The following PSD3 variants were observed in gnomAD, a reference collection of about 807,000 sequenced individuals.
PSD3 encodes the protein PH and SEC7 domain-containing protein 3.
Under a neutral mutation model 105.5 loss-of-function variants are expected in PSD3, and 49 were observed. The observed-to-expected ratio is 0.46, with a 90% CI of 0.37 to 0.59. The LOEUF (loss-of-function observed/expected upper bound fraction) is 0.59. Among genes scored for constraint, PSD3 ranks in the 20% least tolerant of loss-of-function variants. The pLI is 0.00. For synonymous variants in PSD3, 557 were observed against 457.8 expected, an observed-to-expected ratio of 1.22 and a Z score of -2.77; for missense variants, 1,561 against 1,263.8, an observed-to-expected ratio of 1.24 and a Z score of -3.57.
chr8:18,651,643 A>G (rs1056952694), intron 10 of PSD3, among the ~76,000 whole-genome samples: 3 of 152,222 alleles, frequency 2.0e-5, no homozygotes, highest in Admixed American at 6.5e-5. Flanking sequence ...ACAAATAACC[A>G]TAATGGGGTG....
At chr8:18,756,814 T>C (rs974922611) in intron 9 of PSD3, among the ~76,000 whole-genome samples, 1 of 148,584 alleles carries the variant, frequency 6.7e-6, no homozygotes, top group African/African-American at 2.5e-5. Flanking sequence ...ATTTTACAAA[T>C]GAGGAAACTC....
At chr8:18,752,498 TATA>T (rs1159371096) in intron 9 of PSD3, among the ~76,000 whole-genome samples, 12 of 16,918 alleles carry the variant, frequency 7.1e-4, no homozygotes, top group South Asian at 1.8e-3. Context: ...ATATAATATA[TATA>T]ATATATATAA....
At chr8:18,920,529 A>T (rs1391999565) in intron 2 of PSD3, among the ~76,000 whole-genome samples, 1 of 152,168 alleles carries the variant, frequency 6.6e-6, no homozygotes, top group African/African-American at 2.4e-5. Context: ...ACTTTTAGTA[A>T]ATTTGCAAAC....
At chr8:18,819,605 G>A (rs1431878994) in intron 4 of PSD3, among the ~76,000 whole-genome samples, 1 of 107,984 alleles carries the variant, frequency 9.3e-6, no homozygotes. Flanking sequence ...TTGAGATGGA[G>A]TCTCACTCTG....
chr8:18,751,665 G>A lies in PSD3; in HGVS notation c.2172+13784C>T, dbSNP rs1805500213. Reference sequence around the variant, plus strand: ...CAGAACAACTAGTGCATTCCACACGGGCACACTGCTAGCCACTTAACACAC... The same window carrying A: ...CAGAACAACTAGTGCATTCCACACGAGCACACTGCTAGCCACTTAACACAC... On this transcript the variant is annotated intron_variant, in intron 9 of 15. Transcript: ENST00000327040. 2.7e-5 allele frequency among the ~76,000 whole-genome samples: 4 copies of A among 149,804 alleles called. 1 individual carries two copies. Among genetic ancestry groups the A allele is most frequent in the Admixed American group, 1.3e-4 (2 of 15,044 alleles).
At chr8:18,692,535 A>G (rs1801027692) in intron 9 of PSD3, among the ~76,000 whole-genome samples, 1 of 152,160 alleles carries the variant, frequency 6.6e-6, no homozygotes, top group Non-Finnish European at 1.5e-5. Flanking sequence ...AGCAGGAGCA[A>G]CCAGAAGAAA....
At chr8:19,020,445 C>T (rs771318577) in intron 1 of PSD3, among the ~76,000 whole-genome samples, 1 of 151,996 alleles carries the variant, frequency 6.6e-6, no homozygotes, top group South Asian at 2.1e-4. Context: ...GTTTTGAGCA[C>T]AGCAAGGGGT....
chr8:19,041,143 T>G (rs59684179), intron 1 of PSD3, among the ~76,000 whole-genome samples: 3 of 152,126 alleles, frequency 2.0e-5, no homozygotes, highest in African/African-American at 7.2e-5. Flanking sequence ...GCAATCCTCC[T>G]GCCTCAGCCT....
chr8:18,668,128 C>A (rs546042217), intron 9 of PSD3, among the ~76,000 whole-genome samples: 1 of 152,344 alleles, frequency 6.6e-6, no homozygotes, highest in South Asian at 2.1e-4. Context: ...GAAACGGGCT[C>A]CCACAGTGCA....
intron 4 of PSD3, among the ~76,000 whole-genome samples, chr8:18,858,729 C>G (rs976031449): frequency 6.6e-6 from 1 of 152,112 alleles, no homozygotes; most frequent in Non-Finnish European, 1.5e-5. Context: ...GAAGCAACTC[C>G]TCATTTATTA....
chr8:18,777,243 A>G (rs1204266316), intron 8 of PSD3, among the ~76,000 whole-genome samples: 2 of 152,004 alleles, frequency 1.3e-5, no homozygotes. Context: ...GGGTTTCACC[A>G]TGTTGGCCAG....
intron 2 of PSD3, among the ~76,000 whole-genome samples, chr8:18,928,533 A>T (rs537478558): frequency 6.0e-4 from 92 of 152,350 alleles, no homozygotes; most frequent in Non-Finnish European, 1.1e-3. Flanking sequence ...ACAAAAAAGT[A>T]GTGGTAAATT....
chr8:18,988,077 G>A (rs1457191223), intron 1 of PSD3, among the ~76,000 whole-genome samples: 1 of 151,522 alleles, frequency 6.6e-6, no homozygotes, highest in African/African-American at 2.4e-5. Flanking sequence ...CACAAAGTAA[G>A]CACCAATGAA....
intron 9 of PSD3, among the ~76,000 whole-genome samples, chr8:18,732,018 G>C (rs1210927355): frequency 6.6e-6 from 1 of 151,934 alleles, no homozygotes; most frequent in African/African-American, 2.4e-5. Context: ...TTTTTCTTTT[G>C]AGAGAGACAA....
intron 2 of PSD3, among the ~76,000 whole-genome samples, chr8:18,930,490 T>C (rs1331387423): frequency 6.6e-6 from 1 of 152,114 alleles, no homozygotes; most frequent in Non-Finnish European, 1.5e-5. Context: ...TACGCTTGGG[T>C]ATCCTGGGTA....
intron 13 of PSD3, among the ~76,000 whole-genome samples, chr8:18,573,984 AGAG>A (rs1458926915): frequency 6.6e-6 from 1 of 152,202 alleles, no homozygotes; most frequent in Non-Finnish European, 1.5e-5. Flanking sequence ...AACCCACCTG[AGAG>A]GAGGTGAAAA....
At chr8:18,700,833 T>C (rs1801535620) in intron 9 of PSD3, among the ~76,000 whole-genome samples, 1 of 152,196 alleles carries the variant, frequency 6.6e-6, no homozygotes, top group African/African-American at 2.4e-5. Flanking sequence ...CCTGACGCAA[T>C]GCCACCATCC....
At chr8:18,615,884 G>A (rs1046575164) in intron 11 of PSD3, among the ~76,000 whole-genome samples, 6 of 152,104 alleles carry the variant, frequency 3.9e-5, no homozygotes, top group African/African-American at 1.2e-4. Context: ...ATTCAAATAA[G>A]CTATTGTAAT....
intron 9 of PSD3, among the ~76,000 whole-genome samples, chr8:18,707,143 GATTTTGCATAT>G (rs1158730709): frequency 6.6e-6 from 1 of 152,044 alleles, no homozygotes; most frequent in Non-Finnish European, 1.5e-5. Context: ...TCGTTGTGCT[GATTTTGCATAT>G]TCTTCTCTGC....
Sources: allele counts gnomAD v4.1 joint callset (sites outside exome capture counted in the v4.1 genomes callset), GRCh38; gene constraint gnomAD v4.1.1; transcripts MANE v1.5; gene names NCBI Gene and HGNC (gene_info 2026-07-23, HGNC 2026-07-21).